The following CNOT4 variants were observed in gnomAD, a reference collection of about 807,000 sequenced individuals.
CNOT4 encodes the protein CCR4-NOT transcription complex subunit 4, also known as CCR4-associated factor 4.
In CNOT4, 8 loss-of-function variants were observed where a neutral mutation model predicts 73.8. The observed-to-expected ratio is 0.11, with a 90% CI of 0.06 to 0.20. CNOT4 has a LOEUF of 0.20. Ranked by LOEUF, CNOT4 falls within the 10% of genes least tolerant of loss-of-function variation. The pLI, the probability that CNOT4 is intolerant of heterozygous loss-of-function variation, is 1.00. For missense variants in CNOT4, 564 were observed against 883.4 expected, an observed-to-expected ratio of 0.64 and a Z score of 4.58; for synonymous variants, 293 against 321.1, an observed-to-expected ratio of 0.91 and a Z score of 0.94.
At chr7:135,411,227 A>G (rs1193725577) in intron 6 of CNOT4, among the ~76,000 whole-genome samples, 2 of 152,040 alleles carry the variant, frequency 1.3e-5, no homozygotes, top group African/African-American at 4.8e-5. Context: ...AAATTAATGT[A>G]TTTTAAACTC....
chr7:135,403,812 A>G (rs1347818877), intron 7 of CNOT4, among the ~76,000 whole-genome samples: 4 of 152,226 alleles, frequency 2.6e-5, no homozygotes, highest in Admixed American at 6.5e-5. Context: ...CTACTAGCCT[A>G]AACATATCAC....
intron 2 of CNOT4, among the ~76,000 whole-genome samples, chr7:135,423,168 T>C (rs1798283151): frequency 6.6e-6 from 1 of 152,148 alleles, no homozygotes; most frequent in African/African-American, 2.4e-5. Context: ...AAATGGAAGA[T>C]GCGGCACATT....
intron 10 of CNOT4, chr7:135,387,503 T>C (rs1454339781): frequency 5.1e-6 from 5 of 977,930 alleles, no homozygotes; most frequent in Non-Finnish European, 6.1e-6. Flanking sequence ...CTATTATTAT[T>C]ATTTTCAATC....
intron 1 of CNOT4, among the ~76,000 whole-genome samples, chr7:135,506,343 A>G (rs1042338626): frequency 6.6e-6 from 1 of 152,192 alleles, no homozygotes; most frequent in Non-Finnish European, 1.5e-5. Flanking sequence ...CTATTTCCCT[A>G]CTGTTTTCTT....
At chr7:135,490,604 G>GA (rs1395509654) in intron 1 of CNOT4, among the ~76,000 whole-genome samples, 5 of 152,220 alleles carry the variant, frequency 3.3e-5, no homozygotes, top group Non-Finnish European at 5.9e-5. Flanking sequence ...GAGGAGAAAA[G>GA]AGGGAGGCTA....
intron 1 of CNOT4, among the ~76,000 whole-genome samples, chr7:135,463,824 CA>C (rs1373610505): frequency 6.6e-6 from 1 of 151,250 alleles, no homozygotes; most frequent in Admixed American, 6.6e-5. Context: ...AAGGAACAAA[CA>C]AATTTACAAG....
chr7:135,417,256 A>T (rs909216923), intron 3 of CNOT4, among the ~76,000 whole-genome samples: 2 of 152,178 alleles, frequency 1.3e-5, no homozygotes, highest in African/African-American at 2.4e-5. Context: ...AGGGCTGAAG[A>T]GTTTGCCTAA....
intron 7 of CNOT4, among the ~76,000 whole-genome samples, chr7:135,407,936 A>G (rs1248336219): frequency 6.6e-6 from 1 of 152,268 alleles, no homozygotes; most frequent in Non-Finnish European, 1.5e-5. Context: ...TGTAACTCAT[A>G]TAAAACTTTT....
chr7:135,445,555 C>T (rs768408650), intron 1 of CNOT4, among the ~76,000 whole-genome samples: 5 of 152,056 alleles, frequency 3.3e-5, no homozygotes, highest in South Asian at 2.1e-4. Flanking sequence ...CCCTTGTAGA[C>T]GTATCAAAAT....
At position 135,363,655 on chromosome 7, in the gene CNOT4, C is replaced by T. The variant is rs531317023; in HGVS notation, c.1840+199G>A. Among the ~76,000 whole-genome samples the T allele has an allele frequency of 2.8e-4, 42 of 152,294 alleles. No homozygotes were observed. The highest frequency in any genetic ancestry group is 1.0e-3 in the African/African-American group (42 of 41,572). ...AAACCAGAAGAAGCAACCTAGGCAC[C>T]AAATGCCTTCTTATTAATACACAAC... is the stretch of plus-strand genomic sequence containing the variant. On this transcript the variant is annotated intron_variant, in intron 11 of 11. Transcript: ENST00000541284. This position sits in a 1 kb window ranked among gnomAD's most constrained non-coding sequence, Gnocchi z 4.3.
At chr7:135,478,877 G>C (rs1802166877) in intron 1 of CNOT4, among the ~76,000 whole-genome samples, 1 of 151,986 alleles carries the variant, frequency 6.6e-6, no homozygotes, top group South Asian at 2.1e-4. Flanking sequence ...TAAGATGCTG[G>C]GGGAAATACA....
At chr7:135,444,140 CAAA>C (rs932168437) in intron 1 of CNOT4, among the ~76,000 whole-genome samples, 1 of 137,604 alleles carries the variant, frequency 7.3e-6, no homozygotes, top group Non-Finnish European at 1.6e-5. Flanking sequence ...AACCCTGTTT[CAAA>C]AAATAATAAT....
At chr7:135,384,749 C>G (rs531847108) in intron 10 of CNOT4, 1 of 764,708 alleles carries the variant, frequency 1.3e-6, no homozygotes, top group Admixed American at 1.7e-5. Context: ...TATTTAGGTT[C>G]TTCTTCTCCC....
At chr7:135,466,300 C>T (rs1038181471) in intron 1 of CNOT4, among the ~76,000 whole-genome samples, 1 of 151,342 alleles carries the variant, frequency 6.6e-6, no homozygotes, top group African/African-American at 2.4e-5. Flanking sequence ...TGTCCAACAA[C>T]ATGTCTCTAC....
In CNOT4 at chr7:135,398,233, A is replaced by G. The variant is rs1796805855; in HGVS notation, c.822-7T>C. ...TGAAGGTTTGTCAATGGGGCTATAAAAAGAAAACAAATTGAATAAAATCAG... is the reference window on the plus strand; with the variant it reads ...TGAAGGTTTGTCAATGGGGCTATAAGAAGAAAACAAATTGAATAAAATCAG... On this transcript the variant is annotated splice_polypyrimidine_tract_variant and splice_region_variant and intron_variant, in intron 7 of 11. Coordinates refer to ENST00000541284, the MANE Select transcript of CNOT4 (RefSeq NM_001190850.2). The G allele has an allele frequency of 6.9e-7, 1 of 1,442,300 alleles. No homozygotes were observed. The highest frequency in any genetic ancestry group is 1.2e-5 in the South Asian group (1 of 85,804). 89.3% of individuals were successfully genotyped at this position (1,442,300 alleles called of 1,614,324 possible). A position where few individuals can be genotyped will look rare whatever the true frequency, so the allele number is the denominator to read the frequency against.
chr7:135,483,516 T>C (rs537593558), intron 1 of CNOT4, among the ~76,000 whole-genome samples: 9 of 151,630 alleles, frequency 5.9e-5, no homozygotes, highest in African/African-American at 1.9e-4. Context: ...TTGACAAAAT[T>C]CATGATATTA....
chr7:135,396,948 C>T (rs919087584), intron 8 of CNOT4, among the ~76,000 whole-genome samples: 1 of 151,956 alleles, frequency 6.6e-6, no homozygotes, highest in Admixed American at 6.5e-5. Flanking sequence ...TATAATTTTA[C>T]CATTTATTAC....
intron 1 of CNOT4, among the ~76,000 whole-genome samples, chr7:135,488,494 T>G (rs923625277): frequency 6.6e-6 from 1 of 152,210 alleles, no homozygotes; most frequent in Admixed American, 6.5e-5. Flanking sequence ...ATTACAGGCG[T>G]GAGCCACTGT....
intron 10 of CNOT4, among the ~76,000 whole-genome samples, chr7:135,380,014 G>A (rs1795750733): frequency 6.6e-6 from 1 of 152,066 alleles, no homozygotes; most frequent in South Asian, 2.1e-4. Flanking sequence ...AAAGTTGATT[G>A]CAGATTTCTT....
Sources: allele counts gnomAD v4.1 joint callset (sites outside exome capture counted in the v4.1 genomes callset), GRCh38; gene constraint gnomAD v4.1.1; non-coding constraint Gnocchi (gnomAD v3.1); transcripts MANE v1.5; gene names NCBI Gene and HGNC (gene_info 2026-07-23, HGNC 2026-07-21).